Variants in KLHL32 observed in about 807,000 individuals in gnomAD.
KLHL32 encodes kelch like family member 32.
In KLHL32, 35 loss-of-function variants were observed where a neutral mutation model predicts 64.8. That is an observed-to-expected ratio of 0.54 (90% CI 0.41 to 0.72). KLHL32 has a LOEUF of 0.72. Ranked by LOEUF, KLHL32 falls within the 30% of genes least tolerant of loss-of-function variation. KLHL32 has a pLI of 0.00. For missense variants in KLHL32, 589 were observed against 768.5 expected (o/e 0.77, Z 2.76); for synonymous variants, 259 against 281.0 (o/e 0.92, Z 0.78).
chr6:97,050,918 G>A (rs1052915350), intron 4 of KLHL32, among the ~76,000 whole-genome samples: 1 of 152,146 alleles, frequency 6.6e-6, no homozygotes, highest in African/African-American at 2.4e-5. Context: ...CAGGAGAACC[G>A]CTTGAACTCG....
intron 7 of KLHL32, among the ~76,000 whole-genome samples, chr6:97,117,848 A>C (rs955418842): frequency 7.9e-5 from 12 of 152,230 alleles, no homozygotes; most frequent in South Asian, 2.1e-4. Context: ...TATTTTTTTC[A>C]TTTTCATCAA....
At chr6:97,068,385 G>A (rs9487902) in intron 5 of KLHL32, among the ~76,000 whole-genome samples, 119,387 of 152,140 alleles carry the variant, frequency 0.78, 46,993 homozygotes, top group East Asian at 0.93. Context: ...TAGGAATATA[G>A]GTTTAATATC....
chr6:97,032,336 A>G (rs1783679149), intron 3 of KLHL32, among the ~76,000 whole-genome samples: 1 of 152,192 alleles, frequency 6.6e-6, no homozygotes, highest in Admixed American at 6.5e-5. Flanking sequence ...TTGATATAAA[A>G]TGATTACCAA....
At chr6:96,962,204 C>T (rs2128026906) in intron 1 of KLHL32, among the ~76,000 whole-genome samples, 1 of 152,132 alleles carries the variant, frequency 6.6e-6, no homozygotes, top group Non-Finnish European at 1.5e-5. Context: ...CAAAAAAACC[C>T]AAGTGAGACT....
At chr6:97,010,833 A>G (rs1207140499) in intron 3 of KLHL32, among the ~76,000 whole-genome samples, 3 of 152,308 alleles carry the variant, frequency 2.0e-5, no homozygotes, top group Middle Eastern at 3.4e-3. Context: ...TTTTTTTCCT[A>G]AGTAGTAAAA....
At chr6:97,041,791 G>A (rs1420046333) in intron 4 of KLHL32, among the ~76,000 whole-genome samples, 192 bp downstream of exon 4, 2 of 152,148 alleles carry the variant, frequency 1.3e-5, no homozygotes, top group African/African-American at 4.8e-5. Context: ...TTTTTAATAT[G>A]ATCCAGTGAA....
At chr6:97,077,830 T>A (rs979263302) in intron 5 of KLHL32, among the ~76,000 whole-genome samples, 1 of 152,226 alleles carries the variant, frequency 6.6e-6, no homozygotes, top group Non-Finnish European at 1.5e-5. Flanking sequence ...TCTGTTGCAA[T>A]CTATGAGAAA....
chr6:96,999,583 C>T (rs1778795422), intron 3 of KLHL32: 1 of 932,040 alleles, frequency 1.1e-6, no homozygotes, highest in Admixed American at 6.2e-5. Flanking sequence ...TTTTTCCCTG[C>T]TATTTTCTTT....
chr6:97,001,394 T>G (rs1472240202), intron 3 of KLHL32, among the ~76,000 whole-genome samples: 1 of 152,236 alleles, frequency 6.6e-6, no homozygotes, highest in Admixed American at 6.5e-5. Context: ...ACCTCACAAC[T>G]GTCTCATAAT....
Position 97,044,581 on chromosome 6 carries a change from T to G in KLHL32, c.312+2982T>G, listed in dbSNP as rs190466417. Among the ~76,000 whole-genome samples the G allele has an allele frequency of 2.0e-3, 300 of 152,216 alleles. 3 individuals are homozygous for G. The highest frequency in any genetic ancestry group is 0.018 in the South Asian group (85 of 4,830). ...GAAAGAGTTTTAAGAGAGATTGATATTCTTTCTTCTTTAAATGTTTGGTAG... is the reference window on the plus strand; with the variant it reads ...GAAAGAGTTTTAAGAGAGATTGATAGTCTTTCTTCTTTAAATGTTTGGTAG... On this transcript the variant is annotated intron_variant, in intron 4 of 10. Coordinates refer to ENST00000369261, the MANE Select transcript of KLHL32 (RefSeq NM_052904.4).
intron 5 of KLHL32, among the ~76,000 whole-genome samples, chr6:97,082,385 G>C (rs936473967): frequency 6.6e-6 from 1 of 152,066 alleles, no homozygotes; most frequent in Admixed American, 6.6e-5. Context: ...AGGCCGAGGC[G>C]GGCGGATCAT....
chr6:97,003,148 T>A (rs190641602), intron 3 of KLHL32, among the ~76,000 whole-genome samples: 3 of 152,296 alleles, frequency 2.0e-5, no homozygotes, highest in Non-Finnish European at 4.4e-5. Context: ...TCTGTAACCT[T>A]GCCAGCATCT....
At chr6:96,908,082 T>C in the KLHL32 span, among the ~76,000 whole-genome samples, 1 of 152,324 alleles carries the variant, frequency 6.6e-6, no homozygotes, top group East Asian at 1.9e-4. Context: ...GTACTGGTGT[T>C]GTGCCTTCTA....
At chr6:97,034,571 G>T (rs1221386052) in intron 3 of KLHL32, among the ~76,000 whole-genome samples, 1 of 151,798 alleles carries the variant, frequency 6.6e-6, no homozygotes, top group African/African-American at 2.4e-5. Flanking sequence ...TTTGATAGGG[G>T]TTGTGTTGAA....
intron 1 of KLHL32, among the ~76,000 whole-genome samples, chr6:96,928,273 T>C (rs1769408130): frequency 1.3e-5 from 2 of 152,138 alleles, no homozygotes; most frequent in Admixed American, 6.5e-5. Flanking sequence ...AAAATCCTTA[T>C]AGCTATTGAA....
intron 3 of KLHL32, among the ~76,000 whole-genome samples, chr6:97,037,240 A>C (rs980800920): frequency 1.3e-5 from 2 of 152,102 alleles, no homozygotes; most frequent in African/African-American, 4.8e-5. Flanking sequence ...GTTTAACTAT[A>C]AATTAAGCTC....
intron 3 of KLHL32, among the ~76,000 whole-genome samples, chr6:97,033,496 G>A (rs917226653): frequency 1.3e-5 from 2 of 151,996 alleles, no homozygotes; most frequent in African/African-American, 2.4e-5. Flanking sequence ...ATGGGAGTGT[G>A]GCTATCACTT....
rs1797880043 is a variant in KLHL32 at position 97,117,151 on chromosome 6, G to C, written c.1354+2642G>C. 3.3e-5 allele frequency among the ~76,000 whole-genome samples: 5 copies of C among 152,072 alleles called. No individual in the cohort carries two copies. The South Asian group carries it at 1.0e-3, about 32-fold the overall frequency. ...GGAGGGGTGACTAGATTTGCTAATGGGCCCCTTAACAAAAATACAGGTATA... is the reference window on the plus strand; with the variant it reads ...GGAGGGGTGACTAGATTTGCTAATGCGCCCCTTAACAAAAATACAGGTATA... On this transcript the variant is annotated intron_variant, in intron 7 of 10. Transcript: ENST00000369261.
chr6:96,961,949 A>G (rs1409699735), intron 1 of KLHL32, among the ~76,000 whole-genome samples: 1 of 152,150 alleles, frequency 6.6e-6, no homozygotes, highest in Non-Finnish European at 1.5e-5. Context: ...CTGAAAAATA[A>G]CTATAAGCAC....
Sources: gnomAD v4.1 joint callset for allele counts (sites outside exome capture counted in the v4.1 genomes callset) on GRCh38, gnomAD v4.1.1 for gene constraint, MANE v1.5 for transcripts, NCBI Gene and HGNC (gene_info 2026-07-23, HGNC 2026-07-21) for gene names.